Variants in AMBRA1 observed in about 807,000 individuals in gnomAD.
AMBRA1 encodes activating molecule in BECN1-regulated autophagy protein 1.
AMBRA1 carries 47 observed loss-of-function variants against 125.4 expected under a neutral mutation model. That is an observed-to-expected ratio of 0.37 (90% CI 0.30 to 0.48). The LOEUF is 0.48. Among genes scored for constraint, AMBRA1 ranks in the 20% least tolerant of loss-of-function variants. AMBRA1 has a pLI of 0.99. For missense variants in AMBRA1, 1,331 were observed against 1,693.4 expected (o/e 0.79, Z 3.76); for synonymous variants, 626 against 655.5 (o/e 0.95, Z 0.69).
chr11:46,491,820 T>TG (rs1260824689), intron 11 of AMBRA1, among the ~76,000 whole-genome samples: 2 of 152,112 alleles, frequency 1.3e-5, no homozygotes, highest in Non-Finnish European at 2.9e-5. Context: ...TTAGGCCATT[T>TG]GGGGTCAGAC....
At position 46,547,858 on chromosome 11, in the gene AMBRA1, A is replaced by C; in HGVS notation, c.153T>G (p.Asp51Glu). ...KWEGKRVELP[D>E]SPRSTFLLAF... ...CCAATAAGAAGGTAGAGCGTGGACT[A>C]TCCGGCAGTTCTACTCTCTGGGAGA... The change falls in exon 3 of 18, where the codon GAT (aspartate) becomes GAG (glutamate). Residue 51 changes from aspartate to glutamate, a missense_variant. Physicochemically the swap from Asp to Glu is conservative, Grantham distance 45 (BLOSUM62 2). Transcript: ENST00000683756. 6.2e-7 allele frequency: 1 copy of C among 1,608,240 alleles called. No individual in the cohort carries two copies. Among genetic ancestry groups the C allele is most frequent in the Middle Eastern group, 1.7e-4 (1 of 6,052 alleles).
intron 9 of AMBRA1, among the ~76,000 whole-genome samples, chr11:46,501,856 CAATT>C (rs1210859758): frequency 6.6e-6 from 1 of 152,158 alleles, no homozygotes; most frequent in Non-Finnish European, 1.5e-5. Context: ...TTGTTCATAT[CAATT>C]AGTCTATGGT....
intron 10 of AMBRA1, 156 bp from the exon 11 acceptor site, chr11:46,493,864 G>T: frequency 1.5e-6 from 1 of 665,460 alleles, no homozygotes; most frequent in Non-Finnish European, 2.5e-6. Flanking sequence ...CCGCAGATTT[G>T]TATCTATCTT....
chr11:46,501,247 T>C (rs1328679421), intron 9 of AMBRA1, among the ~76,000 whole-genome samples: 1 of 152,232 alleles, frequency 6.6e-6, no homozygotes, highest in Non-Finnish European at 1.5e-5. Flanking sequence ...CACTTCCCCA[T>C]GTCTGTGTGG....
chr11:46,503,851 G>A (rs1017119215), intron 9 of AMBRA1, among the ~76,000 whole-genome samples: 1 of 152,156 alleles, frequency 6.6e-6, no homozygotes, highest in African/African-American at 2.4e-5. Context: ...AGAGACTTCT[G>A]TGCCAGCAAC....
intron 11 of AMBRA1, among the ~76,000 whole-genome samples, chr11:46,446,916 C>G (rs1261924738): frequency 1.3e-5 from 2 of 152,334 alleles, no homozygotes; most frequent in Non-Finnish European, 2.9e-5. Flanking sequence ...CCAATGGGAT[C>G]TTACGGCTTG....
chr11:46,424,171 AG>A (rs1947002510), intron 14 of AMBRA1, among the ~76,000 whole-genome samples: 1 of 152,186 alleles, frequency 6.6e-6, no homozygotes, highest in Non-Finnish European at 1.5e-5. Flanking sequence ...CCTTTGAAGC[AG>A]GAACAAATCC....
intron 15 of AMBRA1, among the ~76,000 whole-genome samples, chr11:46,417,712 A>T (rs748837437): frequency 3.0e-4 from 46 of 152,258 alleles, no homozygotes; most frequent in Non-Finnish European, 5.3e-4. Flanking sequence ...TCACTAAATC[A>T]GTCTCTGGAT....
At chr11:46,543,445 G>A (rs769948403) in intron 6 of AMBRA1, 47 bp from the exon 7 acceptor site, 39 of 1,582,556 alleles carry the variant, frequency 2.5e-5, no homozygotes, top group Non-Finnish European at 2.6e-5. Context: ...AAGGCAGTTA[G>A]GTAGAACCTC....
intron 1 of AMBRA1, among the ~76,000 whole-genome samples, chr11:46,557,288 G>A: frequency 7.3e-6 from 1 of 136,648 alleles, no homozygotes; most frequent in Admixed American, 7.6e-5. Flanking sequence ...GGGAGAGAGT[G>A]AGACTCCATC....
chr11:46,488,386 G>A (rs1433251244), intron 11 of AMBRA1, among the ~76,000 whole-genome samples: 2 of 152,022 alleles, frequency 1.3e-5, no homozygotes, highest in African/African-American at 2.4e-5. Context: ...AACCCAAGAG[G>A]CGGAAGTTGC....
At chr11:46,406,931 A>C (rs1184689525) in intron 17 of AMBRA1, among the ~76,000 whole-genome samples, 2 of 151,916 alleles carry the variant, frequency 1.3e-5, no homozygotes, top group South Asian at 2.1e-4. Flanking sequence ...CTTTAATCCC[A>C]GCACTTTGGG....
rs181236519 is a variant in AMBRA1 at position 46,525,108 on chromosome 11, C to T, written c.2073-12295G>A. Reference sequence around the variant, plus strand: ...TGAGCCCAGGAGTTCGAGACCAGCTCGGGCAACCATAGGGAGACCTCATCT... The same window carrying T: ...TGAGCCCAGGAGTTCGAGACCAGCTTGGGCAACCATAGGGAGACCTCATCT... On this transcript the variant is annotated intron_variant, in intron 7 of 17. Coordinates refer to ENST00000683756, the MANE Select transcript of AMBRA1 (RefSeq NM_001387011.1). Among the ~76,000 whole-genome samples, 134 of 151,698 alleles carry T rather than the reference C, an allele frequency of 8.8e-4. 1 individual carries two copies. The highest frequency in any genetic ancestry group is 3.1e-3 in the African/African-American group (127 of 41,366).
chr11:46,548,609 C>T (rs1357195966), intron 1 of AMBRA1, 109 bp from the exon 2 acceptor site: 1 of 520,078 alleles, frequency 1.9e-6, no homozygotes, highest in Non-Finnish European at 3.3e-6. Context: ...TATTTAATGA[C>T]ACTTTCTCAG....
chr11:46,523,732 G>C (rs1038297649), intron 7 of AMBRA1, among the ~76,000 whole-genome samples: 2 of 152,264 alleles, frequency 1.3e-5, no homozygotes, highest in East Asian at 3.9e-4. Flanking sequence ...AAAGACAAAA[G>C]ATAAGACAGA....
intron 11 of AMBRA1, among the ~76,000 whole-genome samples, chr11:46,475,739 A>T (rs979981001): frequency 6.6e-6 from 1 of 152,154 alleles, no homozygotes; most frequent in Non-Finnish European, 1.5e-5. Flanking sequence ...AACCATCATC[A>T]CTTTGCTCTG....
chr11:46,586,392 C>A (rs1228299997), intron 1 of AMBRA1, among the ~76,000 whole-genome samples: 1 of 151,870 alleles, frequency 6.6e-6, no homozygotes, highest in Non-Finnish European at 1.5e-5. Flanking sequence ...AAGACTGTCT[C>A]CAAAAAATAA....
intron 9 of AMBRA1, among the ~76,000 whole-genome samples, chr11:46,499,514 T>C (rs920261909): frequency 2.0e-5 from 3 of 152,232 alleles, no homozygotes; most frequent in Non-Finnish European, 2.9e-5. Context: ...CAGTAAGAGC[T>C]AGAATTCAGG....
intron 11 of AMBRA1, among the ~76,000 whole-genome samples, chr11:46,449,372 G>T (rs1031557608): frequency 1.2e-4 from 19 of 152,126 alleles, no homozygotes. Context: ...TTCCTATATT[G>T]CAGCAATGAA....
Sources: gnomAD v4.1 joint callset for allele counts (sites outside exome capture counted in the v4.1 genomes callset) on GRCh38, gnomAD v4.1.1 for gene constraint, MANE v1.5 for transcripts, NCBI Gene and HGNC (gene_info 2026-07-23, HGNC 2026-07-21) for gene names.